Variants in HTR1F observed in about 807,000 individuals in gnomAD.
HTR1F encodes the protein 5-hydroxytryptamine receptor 1F.
HTR1F carries 17 observed loss-of-function variants against 24.0 expected under a neutral mutation model. That is an observed-to-expected ratio of 0.71 (90% CI 0.48 to 1.06). The LOEUF (loss-of-function observed/expected upper bound fraction) is 1.06. Ranked by LOEUF, HTR1F falls within the 50% of genes least tolerant of loss-of-function variation. The probability of loss-of-function intolerance (pLI) is 0.00; values close to 1 mark genes in which losing one functional copy is unlikely to be tolerated. For synonymous variants in HTR1F, 186 were observed against 156.8 expected, an observed-to-expected ratio of 1.19 and a Z score of -1.39; for missense variants, 391 against 427.8, an observed-to-expected ratio of 0.91 and a Z score of 0.76.
intron 2 of HTR1F, among the ~76,000 whole-genome samples, chr3:87,841,157 A>G (rs945186541): frequency 3.3e-5 from 5 of 151,810 alleles, no homozygotes; most frequent in Non-Finnish European, 7.4e-5. Context: ...TACATCATAC[A>G]CTCATAGCAA....
chr3:87,870,121 TG>T (rs1234780955), intron 2 of HTR1F, among the ~76,000 whole-genome samples: 6 of 152,156 alleles, frequency 3.9e-5, no homozygotes, highest in African/African-American at 1.4e-4. Flanking sequence ...GCACCATCTA[TG>T]TAACAGGTAT....
chr3:87,923,289 T>A (rs2163422), intron 2 of HTR1F, among the ~76,000 whole-genome samples: 17,057 of 152,032 alleles, frequency 0.11, 1,182 homozygotes, highest in Non-Finnish European at 0.16. Context: ...ATTTTTTTAT[T>A]TCTGTGAATC....
At chr3:87,978,665 C>A (rs770614247) in intron 2 of HTR1F, among the ~76,000 whole-genome samples, 2 of 151,888 alleles carry the variant, frequency 1.3e-5, no homozygotes, top group Non-Finnish European at 2.9e-5. Flanking sequence ...TTTCCCCAGG[C>A]AGGTCATCCC....
chr3:87,955,290 A>G (rs1704920011), intron 2 of HTR1F, among the ~76,000 whole-genome samples: 1 of 151,418 alleles, frequency 6.6e-6, no homozygotes, highest in Non-Finnish European at 1.5e-5. Context: ...TGTAAGTAGT[A>G]TAATACAAAA....
intron 1 of HTR1F, among the ~76,000 whole-genome samples, chr3:87,805,095 A>T (rs1205709316): frequency 2.0e-5 from 3 of 152,066 alleles, no homozygotes; most frequent in Non-Finnish European, 4.4e-5. Context: ...GTTTCTGTTT[A>T]AAGTGATGAG....
rs112301680 is a variant in HTR1F at position 87,798,016 on chromosome 3, C to T, written c.-160+5174C>T. 8.3e-3 allele frequency among the ~76,000 whole-genome samples: 1,262 copies of T among 152,262 alleles called. 27 individuals carry two copies. The highest frequency in any genetic ancestry group is 0.029 in the African/African-American group (1,211 of 41,532). On this transcript the variant is annotated intron_variant, in intron 1 of 2. Coordinates refer to ENST00000319595, the MANE Select transcript of HTR1F (RefSeq NM_001322209.2). ...TCCCAGATTTGGATCTGTCCTTTGG[C>T]CAGCATCCTACATTCCTAAAGCTAA...
intron 2 of HTR1F, among the ~76,000 whole-genome samples, chr3:87,972,892 C>T (rs1705315398): frequency 6.6e-6 from 1 of 151,590 alleles, no homozygotes. Flanking sequence ...AATACCTGGC[C>T]TGGAGCAGTG....
chr3:87,990,881 G>C lies in HTR1F; in HGVS notation c.132G>C (p.Val44=). The C allele has an allele frequency of 6.2e-7, 1 of 1,614,168 alleles. No homozygotes were observed. Among genetic ancestry groups the C allele is most frequent in the Non-Finnish European group, 8.5e-7 (1 of 1,180,036 alleles). Residue 44 remains valine, a synonymous_variant, in exon 3 of 3, where the codon GTG becomes GTC. Coordinates refer to ENST00000319595, the MANE Select transcript of HTR1F (RefSeq NM_001322209.2). ...TGACAACAACTATCAACTCCCTTGTGATCGCTGCAATTATTGTGACCCGGA... is the reference window on the plus strand; with the variant it reads ...TGACAACAACTATCAACTCCCTTGTCATCGCTGCAATTATTGTGACCCGGA... The part of the protein sequence containing the change: ...ALMTTTINSL[V]IAAIIVTRKL...
At chr3:87,842,009 G>A (rs1311617868) in intron 2 of HTR1F, among the ~76,000 whole-genome samples, 2 of 150,366 alleles carry the variant, frequency 1.3e-5, no homozygotes, top group South Asian at 2.1e-4. Context: ...TCCTAGTAAC[G>A]TTTTTCCCCT....
chr3:87,991,061 T>TA lies in HTR1F; in HGVS notation c.313dup (p.Thr105AsnfsTer26). 6.2e-7 allele frequency: 1 copy of TA among 1,613,996 alleles called. No individual in the cohort carries two copies. The highest frequency in any genetic ancestry group is 2.2e-5 in the East Asian group (1 of 44,886). On this transcript the variant is annotated frameshift_variant, in exon 3 of 3. Transcript: ENST00000319595. LOFTEE classifies it high-confidence loss of function. Reference sequence around the variant, plus strand: ...GTGACATTTGGCTGAGTGTTGACATTACCTGCTGCACGTGCTCCATCTTGC... The same window carrying TA: ...GTGACATTTGGCTGAGTGTTGACATTAACCTGCTGCACGTGCTCCATCTTGC...
chr3:87,891,643 A>G (rs1706089148), intron 2 of HTR1F, among the ~76,000 whole-genome samples: 1 of 152,112 alleles, frequency 6.6e-6, no homozygotes, highest in South Asian at 2.1e-4. Context: ...TGTCTTCTAA[A>G]CCCTCTTTAT....
intron 2 of HTR1F, among the ~76,000 whole-genome samples, chr3:87,830,787 G>T (rs1382746628): frequency 6.6e-6 from 1 of 152,160 alleles, no homozygotes; most frequent in East Asian, 1.9e-4. Context: ...CCTGTATCTT[G>T]CATTAAGAGA....
At chr3:87,899,808 A>C (rs769731454) in intron 2 of HTR1F, among the ~76,000 whole-genome samples, 14 of 152,214 alleles carry the variant, frequency 9.2e-5, no homozygotes, top group Admixed American at 5.2e-4. Context: ...GGTTGCAGTG[A>C]GCCAAGATTG....
At chr3:87,863,059 A>C (rs1394640519) in intron 2 of HTR1F, among the ~76,000 whole-genome samples, 1 of 152,098 alleles carries the variant, frequency 6.6e-6, no homozygotes, top group Non-Finnish European at 1.5e-5. Flanking sequence ...CAAGTGATCC[A>C]CCCACCTTGG....
intron 2 of HTR1F, among the ~76,000 whole-genome samples, chr3:87,896,511 A>G (rs1440529350): frequency 2.0e-5 from 3 of 152,210 alleles, no homozygotes; most frequent in Non-Finnish European, 2.9e-5. Flanking sequence ...TGGCCTTGGC[A>G]GTGATTTCCT....
At position 87,877,850 on chromosome 3, in the gene HTR1F, G is replaced by C. The variant is rs1471059093; in HGVS notation, c.-43+55726G>C. ...TCTTTGGGTAAGGATAAGAGAACGG[G>C]GAAATGTGTAGCAAAGCTCCTTCCC... is the stretch of plus-strand genomic sequence containing the variant. On this transcript the variant is annotated intron_variant, in intron 2 of 2. Coordinates refer to ENST00000319595, the MANE Select transcript of HTR1F (RefSeq NM_001322209.2). Among the ~76,000 whole-genome samples the C allele has an allele frequency of 2.0e-5, 3 of 152,120 alleles. No homozygotes were observed. The East Asian group carries it at 5.8e-4, about 29-fold the overall frequency.
At chr3:87,841,221 A>G (rs1287091646) in intron 2 of HTR1F, among the ~76,000 whole-genome samples, 1 of 151,860 alleles carries the variant, frequency 6.6e-6, no homozygotes, top group African/African-American at 2.4e-5. Flanking sequence ...GTTATTTGTC[A>G]AGTATTAACA....
At chr3:87,910,926 A>T (rs1703764645) in intron 2 of HTR1F, among the ~76,000 whole-genome samples, 1 of 152,100 alleles carries the variant, frequency 6.6e-6, no homozygotes. Context: ...GAAACTAATG[A>T]GAACAAAGAT....
chr3:87,872,708 G>C (rs897236120), intron 2 of HTR1F, among the ~76,000 whole-genome samples: 1 of 151,902 alleles, frequency 6.6e-6, no homozygotes, highest in Non-Finnish European at 1.5e-5. Flanking sequence ...AATGGATAAA[G>C]TCCTAGAAAT....
Sources: gnomAD v4.1 joint callset for allele counts (sites outside exome capture counted in the v4.1 genomes callset) on GRCh38, gnomAD v4.1.1 for gene constraint, MANE v1.5 for transcripts, NCBI Gene and HGNC (gene_info 2026-07-23, HGNC 2026-07-21) for gene names.